The following RAB1A variants were observed in gnomAD, a reference collection of about 807,000 sequenced individuals.
The protein encoded by RAB1A is ras-related protein Rab-1A.
RAB1A carries 2 observed loss-of-function variants against 26.0 expected under a neutral mutation model. That is an observed-to-expected ratio of 0.08 (90% CI 0.03 to 0.24). The LOEUF (loss-of-function observed/expected upper bound fraction) is 0.24. Among genes scored for constraint, RAB1A ranks in the 10% least tolerant of loss-of-function variants. RAB1A has a pLI of 1.00. For synonymous variants in RAB1A, 84 were observed against 84.9 expected (o/e 0.99, Z 0.06); for missense variants, 100 against 247.0 (o/e 0.40, Z 3.99).
At chr2:65,115,921 C>A (rs774891575) in intron 1 of RAB1A, among the ~76,000 whole-genome samples, 1 of 152,006 alleles carries the variant, frequency 6.6e-6, no homozygotes, top group Non-Finnish European at 1.5e-5. Context: ...TTTGGGAGGC[C>A]GAGGTGGGTG....
At chr2:65,092,975 G>A (rs978487011) in intron 3 of RAB1A, among the ~76,000 whole-genome samples, 2 of 152,182 alleles carry the variant, frequency 1.3e-5, no homozygotes, top group African/African-American at 2.4e-5. Context: ...TGTAAGACGT[G>A]CCTGCTTCCC....
chr2:65,128,632 G>A (rs1161072946), intron 1 of RAB1A, among the ~76,000 whole-genome samples: 1 of 152,202 alleles, frequency 6.6e-6, no homozygotes, highest in African/African-American at 2.4e-5. Context: ...CAAGAGCCAT[G>A]TGACACACAT....
chr2:65,088,763 A>C, intron 5 of RAB1A, 73 bp from the exon 6 acceptor site: 1 of 1,390,068 alleles, frequency 7.2e-7, no homozygotes, highest in Non-Finnish European at 9.8e-7. Context: ...TCTACCATCC[A>C]TAATGGAGCG....
chr2:65,127,270 C>G (rs1670121585), intron 1 of RAB1A, among the ~76,000 whole-genome samples: 1 of 152,176 alleles, frequency 6.6e-6, no homozygotes, highest in African/African-American at 2.4e-5. Flanking sequence ...GTCACTCCCT[C>G]TGTTCCTCCA....
At chr2:65,110,438 CAAA>C (rs1221473890) in intron 1 of RAB1A, among the ~76,000 whole-genome samples, 2 of 110,068 alleles carry the variant, frequency 1.8e-5, no homozygotes, top group Admixed American at 9.5e-5. Flanking sequence ...GAGACCGTCT[CAAA>C]AAAAAAAAAA....
At chr2:65,110,828 T>G (rs1391400917) in intron 1 of RAB1A, among the ~76,000 whole-genome samples, 1 of 151,898 alleles carries the variant, frequency 6.6e-6, no homozygotes, top group Admixed American at 6.6e-5. Context: ...CCCAGCTACT[T>G]GAGAGGCTGA....
chr2:65,108,739 G>C (rs550206546), intron 1 of RAB1A, among the ~76,000 whole-genome samples: 68 of 152,264 alleles, frequency 4.5e-4, no homozygotes, highest in African/African-American at 1.6e-3. Flanking sequence ...CCGAGAGGCG[G>C]AGGTTGCAGT....
intron 1 of RAB1A, among the ~76,000 whole-genome samples, chr2:65,106,108 C>A (rs1441496664): frequency 6.6e-6 from 1 of 152,112 alleles, no homozygotes; most frequent in East Asian, 1.9e-4. Flanking sequence ...AGGCCTAACT[C>A]AAAAACTATC....
chr2:65,094,593 A>C (rs1039878986), intron 3 of RAB1A, among the ~76,000 whole-genome samples: 20 of 151,852 alleles, frequency 1.3e-4, no homozygotes, highest in Non-Finnish European at 7.4e-5. Flanking sequence ...TCAAAAAAAA[A>C]AAAAAAGAAA....
intron 1 of RAB1A, among the ~76,000 whole-genome samples, chr2:65,117,365 A>G (rs1669849652): frequency 6.6e-6 from 1 of 151,748 alleles, no homozygotes; most frequent in Admixed American, 6.6e-5. Context: ...TGCCCAGCTA[A>G]TTTTTAAATT....
chr2:65,091,889 G>C (rs751582368), intron 3 of RAB1A, among the ~76,000 whole-genome samples: 4 of 152,168 alleles, frequency 2.6e-5, no homozygotes, highest in Non-Finnish European at 5.9e-5. Flanking sequence ...TTCATAAAAC[G>C]TATTTTAAGA....
Position 65,114,851 on chromosome 2 carries a change from C to CAA in RAB1A, c.24-10047_24-10046dup, listed in dbSNP as rs369583615. Among the ~76,000 whole-genome samples the CAA allele has an allele frequency of 3.9e-3, 310 of 79,044 alleles. 3 individuals carry two copies. The highest frequency in any genetic ancestry group is 0.012 in the Middle Eastern group (2 of 168). The allele number at this position is 79,044 out of a possible 152,430, so 51.9% of individuals were successfully genotyped here. A position where few individuals can be genotyped will look rare whatever the true frequency, so the allele number is the denominator to read the frequency against. On this transcript the variant is annotated intron_variant, in intron 1 of 5. Transcript: ENST00000409784. ...TGGGCAACAGAGCGAGACTCCGTCT[C>CAA]AAAAAAAAAAAACAAAAAAAAAACC...
intron 1 of RAB1A, among the ~76,000 whole-genome samples, chr2:65,115,148 T>C (rs554237097): frequency 3.9e-5 from 6 of 152,342 alleles, no homozygotes; most frequent in African/African-American, 1.4e-4. Flanking sequence ...CTACTGTTTA[T>C]AAATTACCCA....
At chr2:65,117,405 C>T (rs983381114) in intron 1 of RAB1A, among the ~76,000 whole-genome samples, 3 of 151,988 alleles carry the variant, frequency 2.0e-5, no homozygotes, top group African/African-American at 7.3e-5. Context: ...TACTAGGTTG[C>T]TCAGGCTGAT....
At chr2:65,128,295 C>A (rs2103893534) in intron 1 of RAB1A, among the ~76,000 whole-genome samples, 1 of 152,134 alleles carries the variant, frequency 6.6e-6, no homozygotes, top group Admixed American at 6.5e-5. Context: ...CACTAATAAA[C>A]ATATATATAG....
At chr2:65,127,741 ATT>A (rs962431496) in intron 1 of RAB1A, among the ~76,000 whole-genome samples, 1 of 150,182 alleles carries the variant, frequency 6.7e-6, no homozygotes, top group Admixed American at 6.7e-5. Context: ...ACAATAAATA[ATT>A]TTTTTTTTGA....
intron 1 of RAB1A, among the ~76,000 whole-genome samples, chr2:65,129,595 T>C (rs1370412219): frequency 6.9e-6 from 1 of 144,878 alleles, no homozygotes; most frequent in Non-Finnish European, 1.5e-5. Context: ...AAGATACCCC[T>C]TCACACCGCC....
intron 1 of RAB1A, among the ~76,000 whole-genome samples, chr2:65,116,076 G>A (rs766655089): frequency 1.2e-4 from 18 of 152,078 alleles, no homozygotes; most frequent in Non-Finnish European, 2.5e-4. Flanking sequence ...AGAATTGCTT[G>A]AACCTGTGAG....
In RAB1A at chr2:65,094,006, G is replaced by A. The variant is rs185606979; in HGVS notation, c.193-2928C>T. On this transcript the variant is annotated intron_variant, in intron 3 of 5. Transcript: ENST00000409784. ...TTTTTTTGAAACAAGGTCTCGCTCT[G>A]TTGCCCAGGCTAGAGTGCAAATGGC... 5.4e-5 allele frequency among the ~76,000 whole-genome samples: 8 copies of A among 148,584 alleles called. No homozygotes were observed. The Admixed American group carries it at 5.4e-4, about 10-fold the overall frequency.
Sources: allele counts gnomAD v4.1 joint callset (sites outside exome capture counted in the v4.1 genomes callset), GRCh38; gene constraint gnomAD v4.1.1; transcripts MANE v1.5; gene names NCBI Gene and HGNC (gene_info 2026-07-23, HGNC 2026-07-21).